DNAH8: variants seen among roughly 807,000 people sequenced by gnomAD.
The protein encoded by DNAH8 is dynein axonemal heavy chain 8, also known as axonemal beta dynein heavy chain 8.
DNAH8 carries 382 observed loss-of-function variants against 562.1 expected under a neutral mutation model. The observed-to-expected ratio is 0.68, with a 90% confidence interval of 0.63 to 0.74. The LOEUF (loss-of-function observed/expected upper bound fraction) is 0.74, where lower values mean the gene tolerates loss of function less well. DNAH8 is among the 30% of genes least tolerant of loss of function. The pLI is 0.00. For synonymous variants in DNAH8, 1,881 were observed against 1,919.4 expected (o/e 0.98, Z 0.52); for missense variants, 5,203 against 5,620.4 (o/e 0.93, Z 2.37).
intron 68 of DNAH8, 142 bp from the exon 69 acceptor site, chr6:38,917,097 G>A: frequency 1.8e-6 from 1 of 548,202 alleles, no homozygotes; most frequent in Non-Finnish European, 3.0e-6. Context: ...AACAATGAAA[G>A]AGCCACTAAG....
chr6:38,805,346 A>C (rs1030057553), intron 22 of DNAH8, 135 bp from the exon 23 acceptor site: 1 of 609,394 alleles, frequency 1.6e-6, no homozygotes, highest in African/African-American at 1.9e-5. Context: ...ACAAATGCGA[A>C]AAGCATTTTT....
chr6:38,847,009 G>C (rs139440104), intron 36 of DNAH8, among the ~76,000 whole-genome samples: 1 of 152,262 alleles, frequency 6.6e-6, no homozygotes, highest in African/African-American at 2.4e-5. Flanking sequence ...TGGAAAGCCT[G>C]TTCCAGAACT....
intron 32 of DNAH8, among the ~76,000 whole-genome samples, chr6:38,837,473 A>G (rs1583146674): frequency 1.3e-5 from 2 of 152,328 alleles, no homozygotes; most frequent in East Asian, 3.9e-4. Context: ...AGTTGTTAGA[A>G]TTATTTCAAA....
intron 74 of DNAH8, 41 bp from the exon 75 acceptor site, chr6:38,929,470 T>C: frequency 6.6e-7 from 1 of 1,505,292 alleles, no homozygotes; most frequent in Non-Finnish European, 8.9e-7. Context: ...ATGGGCACAT[T>C]CTTTGTAACA....
rs564545730 is a variant in DNAH8, at chr6:38,949,223, G to A, written c.12130-229G>A. The stretch of plus-strand genomic sequence containing the variant: ...CAATCATTTGGTGCAGTTGACACAC[G>A]ATCCTAATTGTAGCGAATAATGTAG... On this transcript the variant is annotated intron_variant, in intron 80 of 92. Coordinates refer to ENST00000327475, the MANE Select transcript of DNAH8 (RefSeq NM_001206927.2). Among the ~76,000 whole-genome samples the A allele has an allele frequency of 4.6e-5, 7 of 152,272 alleles. No homozygotes were observed. The South Asian group carries it at 1.2e-3, about 27-fold the overall frequency.
chr6:38,841,519 T>C (rs1439444291), intron 33 of DNAH8, among the ~76,000 whole-genome samples: 1 of 152,224 alleles, frequency 6.6e-6, no homozygotes, highest in Non-Finnish European at 1.5e-5. Context: ...ATAAAAGTTG[T>C]GAATGTCAAT....
intron 41 of DNAH8, among the ~76,000 whole-genome samples, chr6:38,854,612 A>C (rs944894293): frequency 3.3e-5 from 5 of 152,182 alleles, no homozygotes; most frequent in African/African-American, 4.8e-5. Context: ...TAAAGCTTAT[A>C]AAATACTTTG....
chr6:38,731,772 T>C (rs1763670144), intron 4 of DNAH8, among the ~76,000 whole-genome samples: 1 of 152,230 alleles, frequency 6.6e-6, no homozygotes, highest in South Asian at 2.1e-4. Flanking sequence ...TGGAGTGCAA[T>C]GGTGCCATCT....
At chr6:38,803,395 A>T (rs1003328671) in intron 22 of DNAH8, 84 bp downstream of exon 22, 26 of 970,322 alleles carry the variant, frequency 2.7e-5, no homozygotes, top group Admixed American at 5.1e-5. Flanking sequence ...CAGGTACTGA[A>T]TTCCAGACCC....
chr6:38,865,096 G>A (rs974118584), intron 45 of DNAH8, among the ~76,000 whole-genome samples: 10 of 152,274 alleles, frequency 6.6e-5, no homozygotes, highest in African/African-American at 2.4e-4. Context: ...ATGAATAAAC[G>A]GGAGTTTTTA....
chr6:38,958,240 T>C (rs1762383844), intron 82 of DNAH8, among the ~76,000 whole-genome samples: 1 of 151,844 alleles, frequency 6.6e-6, no homozygotes, highest in African/African-American at 2.4e-5. Flanking sequence ...CTCCTGACCT[T>C]GTGATCCACC....
At chr6:38,891,087 A>G (rs537257596) in intron 58 of DNAH8, among the ~76,000 whole-genome samples, 3 of 152,314 alleles carry the variant, frequency 2.0e-5, no homozygotes, top group Admixed American at 6.5e-5. Flanking sequence ...GTCTCCTTCT[A>G]CCAAACTATG....
At chr6:38,946,918 T>C (rs1172824181) in intron 80 of DNAH8, among the ~76,000 whole-genome samples, 1 of 152,140 alleles carries the variant, frequency 6.6e-6, no homozygotes, top group African/African-American at 2.4e-5. Flanking sequence ...CCTCTAATGA[T>C]GGTTTATATT....
intron 88 of DNAH8, among the ~76,000 whole-genome samples, chr6:38,995,054 T>C (rs1253957799): frequency 7.4e-6 from 1 of 134,834 alleles, no homozygotes; most frequent in African/African-American, 2.7e-5. Flanking sequence ...TCTCCCCTCA[T>C]TGCTCTTTTT....
intron 10 of DNAH8, among the ~76,000 whole-genome samples, chr6:38,757,794 C>A (rs1373875320): frequency 6.6e-6 from 1 of 152,146 alleles, no homozygotes; most frequent in Non-Finnish European, 1.5e-5. Flanking sequence ...TTCCCCATTT[C>A]TTGTTTTTGT....
intron 15 of DNAH8, 37 bp from the exon 16 acceptor site, chr6:38,781,217 T>A: frequency 6.2e-7 from 1 of 1,611,952 alleles, no homozygotes; most frequent in Non-Finnish European, 8.5e-7. Context: ...CTCCCTTGTA[T>A]TGAATTCAAA....
chr6:38,758,983 T>A (rs2448399), intron 10 of DNAH8, among the ~76,000 whole-genome samples: 85,434 of 151,834 alleles, frequency 0.56, 24,372 homozygotes, highest in East Asian at 0.83. Context: ...TATTGGTCTT[T>A]TTTAAAATAA....
At chr6:38,914,392 C>CTTTTTTTT (rs66765653) in intron 67 of DNAH8, among the ~76,000 whole-genome samples, 12 of 63,984 alleles carry the variant, frequency 1.9e-4, no homozygotes, top group Non-Finnish European at 2.4e-4. Flanking sequence ...TGCTTTTTCT[C>CTTTTTTTT]TTTTTTTTTT....
rs1768265771 is a variant in DNAH8 at position 38,778,403 on chromosome 6, T to G, written c.1978T>G (p.Phe660Val). 1 of 1,572,288 alleles carries G rather than the reference T, an allele frequency of 6.4e-7. No individual in the cohort carries two copies. The change falls in exon 14 of 93, where the codon TTT (phenylalanine) becomes GTT (valine). Residue 660 changes from phenylalanine (F) to valine (V), a missense_variant. This residue lies in a region of DNAH8 where 2,176 missense variants were observed against 2,365.1 expected (regional missense o/e 0.92). Transcript: ENST00000327475. ...INGLEVQIQAFMNSSFGKILS... is the reference protein window; with the variant it reads ...INGLEVQIQAVMNSSFGKILS... Reference sequence around the variant, plus strand: ...TTTATTTTAGGTACAAATACAGGCATTTATGAACAGTAGTTTTGGGAAAAT... The same window carrying G: ...TTTATTTTAGGTACAAATACAGGCAGTTATGAACAGTAGTTTTGGGAAAAT...
Sources: gnomAD v4.1 joint callset for allele counts (sites outside exome capture counted in the v4.1 genomes callset) on GRCh38, gnomAD v4.1.1 for gene constraint, gnomAD v4.1.1 regional missense constraint, MANE v1.5 for transcripts, NCBI Gene and HGNC (gene_info 2026-07-23, HGNC 2026-07-21) for gene names.